The following ABI2 variants were observed in gnomAD, a reference collection of about 807,000 sequenced individuals.
The protein encoded by ABI2 is abelson interactor 2.
Under a neutral mutation model 59.2 loss-of-function variants are expected in ABI2, and 25 were observed. That is an observed-to-expected ratio of 0.42 (90% CI 0.31 to 0.59). The LOEUF (loss-of-function observed/expected upper bound fraction) is 0.59, where lower values mean the gene tolerates loss of function less well. Among genes scored for constraint, ABI2 ranks in the 20% least tolerant of loss-of-function variants. The pLI is 0.14. For missense variants in ABI2, 545 were observed against 681.8 expected, an observed-to-expected ratio of 0.80 and a Z score of 2.23; for synonymous variants, 213 against 235.5, an observed-to-expected ratio of 0.90 and a Z score of 0.87.
chr2:203,345,447 C>T (rs1251868769), intron 1 of ABI2, among the ~76,000 whole-genome samples: 1 of 152,136 alleles, frequency 6.6e-6, no homozygotes, highest in African/African-American at 2.4e-5. Flanking sequence ...GACCAAGAAC[C>T]CACCGGAAGG....
At chr2:203,415,566 G>A (rs768181164) in intron 10 of ABI2, among the ~76,000 whole-genome samples, 32 of 130,120 alleles carry the variant, frequency 2.5e-4, no homozygotes, top group African/African-American at 9.2e-4. Context: ...GCAATGAGCC[G>A]AGATCACACC....
chr2:203,414,577 C>G (rs186563750), intron 10 of ABI2, among the ~76,000 whole-genome samples: 3 of 152,324 alleles, frequency 2.0e-5, no homozygotes, highest in African/African-American at 7.2e-5. Flanking sequence ...ACACACTACA[C>G]TCAATTGTAA....
intron 1 of ABI2, among the ~76,000 whole-genome samples, chr2:203,334,491 A>G (rs1215714841): frequency 6.6e-6 from 1 of 151,874 alleles, no homozygotes; most frequent in Non-Finnish European, 1.5e-5. Flanking sequence ...TGGATGAAAT[A>G]TATTTGGTGG....
chr2:203,339,656 A>T (rs1426200092), intron 1 of ABI2, among the ~76,000 whole-genome samples: 1 of 152,114 alleles, frequency 6.6e-6, no homozygotes, highest in African/African-American at 2.4e-5. Context: ...CAAACATACA[A>T]TCCCACTTCT....
At chr2:203,393,621 T>C (rs987161827) in intron 5 of ABI2, among the ~76,000 whole-genome samples, 1 of 152,216 alleles carries the variant, frequency 6.6e-6, no homozygotes, top group East Asian at 1.9e-4. Flanking sequence ...AATTGCAAAG[T>C]GATCTCATGC....
At chr2:203,342,570 T>TTATTTATTTATTTATG (rs1553536768) in intron 1 of ABI2, among the ~76,000 whole-genome samples, 5 of 149,930 alleles carry the variant, frequency 3.3e-5, no homozygotes, top group African/African-American at 9.8e-5. Flanking sequence ...ATTTATTTAT[T>TTATTTATTTATTTATG]TATTTATTTA....
chr2:203,418,120 C>T (rs2153556366), intron 11 of ABI2, among the ~76,000 whole-genome samples: 1 of 152,238 alleles, frequency 6.6e-6, no homozygotes, highest in Admixed American at 6.5e-5. Context: ...GAAAACAGAG[C>T]AACAGATAAT....
intron 2 of ABI2, among the ~76,000 whole-genome samples, chr2:203,370,053 G>A (rs1019042579): frequency 6.6e-6 from 1 of 152,008 alleles, no homozygotes; most frequent in Non-Finnish European, 1.5e-5. Flanking sequence ...AAAACAAATA[G>A]TAAATACTCT....
At chr2:203,426,168 TTG>T (rs1293668585) in intron 11 of ABI2, among the ~76,000 whole-genome samples, 2 of 152,228 alleles carry the variant, frequency 1.3e-5, no homozygotes, top group African/African-American at 4.8e-5. Flanking sequence ...CTGTTGTAGT[TTG>T]TTTCTCATTG....
chr2:203,330,594 C>G (rs779689038), intron 1 of ABI2, among the ~76,000 whole-genome samples: 2 of 152,102 alleles, frequency 1.3e-5, no homozygotes, highest in Non-Finnish European at 2.9e-5. Context: ...CAATGCTGTT[C>G]TGAGGGATTT....
At chr2:203,409,679 G>C (rs1559360618) in intron 9 of ABI2, among the ~76,000 whole-genome samples, 3 of 152,104 alleles carry the variant, frequency 2.0e-5, no homozygotes, top group Non-Finnish European at 4.4e-5. Flanking sequence ...TCCTTTTCTA[G>C]AAACTGCTTT....
At position 203,334,518 on chromosome 2, in the gene ABI2, T is replaced by C. The variant is rs992476236; in HGVS notation, c.117+5887T>C. Among the ~76,000 whole-genome samples, 5 of 152,268 alleles carry C rather than the reference T, an allele frequency of 3.3e-5. No individual in the cohort carries two copies. In the South Asian group the frequency reaches 1.0e-3, roughly 32 times the overall value. The stretch of plus-strand genomic sequence containing the variant: ...ATTTGGTGGATGAATATGCTGTGAT[T>C]TGCTTACACCCACCCCAAATCCATT... On this transcript the variant is annotated intron_variant, in intron 1 of 11. Transcript: ENST00000261018.
intron 1 of ABI2, among the ~76,000 whole-genome samples, chr2:203,348,173 G>A (rs1424371379): frequency 6.6e-6 from 1 of 152,168 alleles, no homozygotes; most frequent in Non-Finnish European, 1.5e-5. Context: ...CCCGGGTGGC[G>A]AAGGTTGCAG....
intron 1 of ABI2, among the ~76,000 whole-genome samples, chr2:203,345,216 C>G (rs894077017): frequency 4.6e-5 from 7 of 152,094 alleles, no homozygotes; most frequent in African/African-American, 1.4e-4. Flanking sequence ...ACAAACTTAT[C>G]GGGAGGAACA....
At chr2:203,342,054 A>G (rs1167193997) in intron 1 of ABI2, 4 of 351,460 alleles carry the variant, frequency 1.1e-5, no homozygotes, top group African/African-American at 8.6e-5. Flanking sequence ...TTCTGTGAAG[A>G]GAGGAATTAT....
chr2:203,331,414 GC>G (rs1438940164), intron 1 of ABI2, among the ~76,000 whole-genome samples: 6 of 122,382 alleles, frequency 4.9e-5, no homozygotes, highest in African/African-American at 1.8e-4. Context: ...GTGTAGTGGC[GC>G]GATCTCGATC....
At chr2:203,389,672 A>C (rs1322165775) in intron 4 of ABI2, among the ~76,000 whole-genome samples, 1 of 152,230 alleles carries the variant, frequency 6.6e-6, no homozygotes, top group African/African-American at 2.4e-5. Flanking sequence ...GTCCTTTTTC[A>C]AAATATGTTT....
intron 2 of ABI2, among the ~76,000 whole-genome samples, chr2:203,379,619 G>C (rs913292043): frequency 6.6e-6 from 1 of 152,082 alleles, no homozygotes; most frequent in Non-Finnish European, 1.5e-5. Flanking sequence ...ATACTAATAG[G>C]TCATTAGAAA....
chr2:203,387,300 G>A (rs1014673219), intron 4 of ABI2, among the ~76,000 whole-genome samples: 2 of 152,166 alleles, frequency 1.3e-5, no homozygotes, highest in Non-Finnish European at 2.9e-5. Context: ...ATTCAAGGAA[G>A]TATTGAATGT....
Sources: gnomAD v4.1 joint callset for allele counts (sites outside exome capture counted in the v4.1 genomes callset) on GRCh38, gnomAD v4.1.1 for gene constraint, MANE v1.5 for transcripts, NCBI Gene and HGNC (gene_info 2026-07-23, HGNC 2026-07-21) for gene names.